The following PCDH15 variants were observed in gnomAD, a reference collection of about 807,000 sequenced individuals.
The protein encoded by PCDH15 is protocadherin-15.
Under a neutral mutation model 178.5 loss-of-function variants are expected in PCDH15, and 129 were observed. That is an observed-to-expected ratio of 0.72 (90% CI 0.63 to 0.84). The LOEUF (loss-of-function observed/expected upper bound fraction) is 0.84, where lower values mean the gene tolerates loss of function less well. Ranked by LOEUF, PCDH15 falls within the 40% of genes least tolerant of loss-of-function variation. PCDH15 has a pLI of 0.00. For missense variants in PCDH15, 2,230 were observed against 2,099.9 expected (o/e 1.06, Z -1.21); for synonymous variants, 800 against 732.0 (o/e 1.09, Z -1.50).
chr10:55,072,063 C>A (rs866699249), intron 2 of PCDH15, among the ~76,000 whole-genome samples: 1 of 152,052 alleles, frequency 6.6e-6, no homozygotes. Context: ...AACAAAGACA[C>A]AACATACCAG....
At chr10:55,048,741 C>A (rs55742901) in intron 2 of PCDH15, among the ~76,000 whole-genome samples, 2 of 151,792 alleles carry the variant, frequency 1.3e-5, no homozygotes, top group Non-Finnish European at 1.5e-5. Context: ...AATGTAACTG[C>A]CTCTAAACCT....
At chr10:55,478,577 T>G (rs149413481) in intron 2 of PCDH15, among the ~76,000 whole-genome samples, 5 of 151,362 alleles carry the variant, frequency 3.3e-5, no homozygotes, top group African/African-American at 1.2e-4. Context: ...GAGCTAATGT[T>G]GTACCTCAAG....
intron 2 of PCDH15, among the ~76,000 whole-genome samples, chr10:55,623,300 A>C (rs530174999): frequency 6.6e-6 from 1 of 152,132 alleles, no homozygotes; most frequent in African/African-American, 2.4e-5. Flanking sequence ...GGTTTGTGAG[A>C]CTAGGTTGTA....
intron 2 of PCDH15, among the ~76,000 whole-genome samples, chr10:54,907,566 T>C (rs1466436121): frequency 1.3e-5 from 2 of 152,164 alleles, no homozygotes; most frequent in Non-Finnish European, 2.9e-5. Flanking sequence ...TGAATCCTCA[T>C]TATTGTTCTG....
At chr10:55,301,920 C>G (rs1397867037) in intron 1 of PCDH15, among the ~76,000 whole-genome samples, 1 of 152,116 alleles carries the variant, frequency 6.6e-6, no homozygotes, top group Non-Finnish European at 1.5e-5. Context: ...TGTCTGAGTT[C>G]TCTGTTCTGT....
intron 2 of PCDH15, among the ~76,000 whole-genome samples, chr10:54,905,223 C>G (rs1194548369): frequency 6.6e-6 from 1 of 152,000 alleles, no homozygotes; most frequent in African/African-American, 2.4e-5. Context: ...AAAAGTATTT[C>G]TTTTTATTTT....
chr10:54,482,288 T>G (rs2136942560), intron 3 of PCDH15, among the ~76,000 whole-genome samples: 1 of 151,936 alleles, frequency 6.6e-6, no homozygotes, highest in Non-Finnish European at 1.5e-5. Context: ...TGAAATACAC[T>G]CTTCAGTAAC....
intron 2 of PCDH15, among the ~76,000 whole-genome samples, chr10:54,576,683 T>G (rs1029849773): frequency 6.6e-6 from 1 of 152,184 alleles, no homozygotes. Flanking sequence ...TTCTTGGGAA[T>G]TGTATCCAGA....
At chr10:54,508,585 G>A (rs969465111) in intron 3 of PCDH15, among the ~76,000 whole-genome samples, 1 of 152,092 alleles carries the variant, frequency 6.6e-6, no homozygotes, top group South Asian at 2.1e-4. Flanking sequence ...TCATAATTAA[G>A]TGTTGAATAT....
chr10:54,034,370 G>A (rs1406802945), intron 18 of PCDH15, among the ~76,000 whole-genome samples: 1 of 151,854 alleles, frequency 6.6e-6, no homozygotes, highest in Admixed American at 6.6e-5. Context: ...ATAGGTTCCA[G>A]TTTTATTTTA....
chr10:54,647,079 G>A (rs771320604), intron 2 of PCDH15, among the ~76,000 whole-genome samples: 1 of 152,046 alleles, frequency 6.6e-6, no homozygotes, highest in African/African-American at 2.4e-5. Flanking sequence ...AAGGTGCGGA[G>A]ACAACCTAAC....
At chr10:53,876,163 TTTAAC>T (rs909812985) in intron 26 of PCDH15, among the ~76,000 whole-genome samples, 12 of 151,270 alleles carry the variant, frequency 7.9e-5, no homozygotes, top group African/African-American at 2.7e-4. Context: ...TTAGAACCAC[TTTAAC>T]TTGAGTCTTG....
chr10:55,148,263 A>T (rs144077467), intron 2 of PCDH15, among the ~76,000 whole-genome samples: 2 of 151,890 alleles, frequency 1.3e-5, no homozygotes. Context: ...TGAGGTATTA[A>T]TATTTATGAA....
chr10:54,035,060 C>T (rs10763056), intron 18 of PCDH15, among the ~76,000 whole-genome samples: 93,425 of 151,556 alleles, frequency 0.62, 30,829 homozygotes, highest in Non-Finnish European at 0.74. Context: ...AGGAATATTT[C>T]AATATCAATT....
At chr10:54,790,669 T>C (rs981843309) in intron 1 of PCDH15, among the ~76,000 whole-genome samples, 6 of 151,808 alleles carry the variant, frequency 4.0e-5, no homozygotes, top group African/African-American at 1.5e-4. Flanking sequence ...CAGAGATACA[T>C]GAAAAATAAT....
chr10:55,592,380 C>T (rs557975042), intron 2 of PCDH15, among the ~76,000 whole-genome samples: 9 of 152,140 alleles, frequency 5.9e-5, no homozygotes, highest in Non-Finnish European at 1.3e-4. Context: ...TCCTGGCTCC[C>T]TCCTGCTTCT....
At chr10:53,910,321 C>T (rs12770409) in intron 25 of PCDH15, among the ~76,000 whole-genome samples, 19,424 of 152,156 alleles carry the variant, frequency 0.13, 1,638 homozygotes, top group African/African-American at 0.24. Context: ...AAGGACCAGG[C>T]AGCAATATTT....
intron 3 of PCDH15, among the ~76,000 whole-genome samples, chr10:54,430,057 T>A (rs1956782567): frequency 6.7e-6 from 1 of 149,710 alleles, no homozygotes; most frequent in Non-Finnish European, 1.5e-5. Flanking sequence ...TCCTTTTTTT[T>A]TTTTTTTTTT....
At chr10:55,511,068 T>A (rs1840874523) in intron 2 of PCDH15, among the ~76,000 whole-genome samples, 1 of 151,036 alleles carries the variant, frequency 6.6e-6, no homozygotes, top group Non-Finnish European at 1.5e-5. Context: ...TTTTTAGAGA[T>A]ACAGGTCTTT....
Sources: allele counts gnomAD v4.1 joint callset (sites outside exome capture counted in the v4.1 genomes callset), GRCh38; gene constraint gnomAD v4.1.1; transcripts MANE v1.5; gene names NCBI Gene and HGNC (gene_info 2026-07-23, HGNC 2026-07-21).